Variants in DOCK4 observed in about 807,000 individuals in gnomAD.
DOCK4 encodes the protein dedicator of cytokinesis 4, also known as dedicator of cytokinesis protein 4.
A neutral mutation model predicts 268.1 loss-of-function variants in DOCK4; 97 were observed. That is an observed-to-expected ratio of 0.36 (90% confidence interval 0.31 to 0.43). The LOEUF is 0.43. Among genes scored for constraint, DOCK4 ranks in the 20% least tolerant of loss-of-function variants. DOCK4 has a pLI of 1.00. For missense variants in DOCK4, 2,145 were observed against 2,455.7 expected (o/e 0.87, Z 2.67); for synonymous variants, 954 against 887.2 (o/e 1.08, Z -1.34).
At chr7:111,851,771 GATC>G (rs981277238) in intron 23 of DOCK4, among the ~76,000 whole-genome samples, 2 of 152,014 alleles carry the variant, frequency 1.3e-5, no homozygotes, top group Non-Finnish European at 2.9e-5. Context: ...TTGTTTTACG[GATC>G]ATATTAGCTA....
intron 37 of DOCK4, 94 bp downstream of exon 37, chr7:111,769,435 A>G: frequency 6.8e-7 from 1 of 1,472,308 alleles, no homozygotes; most frequent in Non-Finnish European, 9.3e-7. Flanking sequence ...ATCCCTGCTT[A>G]AGGAGGTGGG....
rs149695522 is a variant in DOCK4 at position 111,826,832 on chromosome 7, G to A, written c.2836-4376C>T. Among the ~76,000 whole-genome samples, 23 of 152,056 alleles carry A rather than the reference G, an allele frequency of 1.5e-4. No homozygotes were observed. In the East Asian group the frequency reaches 1.9e-3, roughly 13 times the overall value. ...ACTGGGGCCCAAACCTCAGCATCAC[G>A]CAATATATTCATTAACAAACCTGCA... On this transcript the variant is annotated intron_variant, in intron 26 of 52. Coordinates refer to ENST00000428084, the MANE Select transcript of DOCK4 (RefSeq NM_001363540.2).
intron 38 of DOCK4, among the ~76,000 whole-genome samples, chr7:111,766,183 T>C (rs1340484272): frequency 1.3e-5 from 2 of 152,250 alleles, no homozygotes; most frequent in Non-Finnish European, 2.9e-5. Context: ...GAAGTATCGA[T>C]GAACTGCTGA....
In DOCK4 at chr7:111,877,020, T is replaced by C. The variant is rs745514249; in HGVS notation, c.1744+10A>G. 4 of 1,507,852 alleles carry C rather than the reference T, an allele frequency of 2.7e-6. No homozygotes were observed. The highest frequency in any genetic ancestry group is 2.7e-5 in the South Asian group (2 of 74,058). 93.4% of individuals were successfully genotyped at this position (1,507,852 alleles called of 1,614,324 possible). On this transcript the variant is annotated intron_variant, in intron 17 of 52. Transcript: ENST00000428084. ...GTACTAGGGCTTTCAAATAAAACAT[T>C]ATACATTACCATTTTGTGTGAGTTT... is the stretch of plus-strand genomic sequence containing the variant.
At position 111,732,220 on chromosome 7, in the gene DOCK4, C is replaced by T; in HGVS notation, c.5481+6G>A. On this transcript the variant is annotated splice_donor_region_variant and intron_variant, in intron 52 of 52. Transcript: ENST00000428084. ...CTCTAGCCTCAGTCGAAAGAAGGGCCTTTACCTTCAATGGAGATCGCCCGG... is the reference window on the plus strand; with the variant it reads ...CTCTAGCCTCAGTCGAAAGAAGGGCTTTTACCTTCAATGGAGATCGCCCGG... 1 of 1,613,868 alleles carries T rather than the reference C, an allele frequency of 6.2e-7. No homozygotes were observed. The highest frequency in any genetic ancestry group is 1.3e-5 in the African/African-American group (1 of 75,046).
chr7:112,136,934 GGA>G (rs1814410047), intron 1 of DOCK4, among the ~76,000 whole-genome samples: 1 of 152,080 alleles, frequency 6.6e-6, no homozygotes. Flanking sequence ...ATGGAATTTG[GGA>G]GAGAGGCAAA....
Position 111,742,047 on chromosome 7 carries a change from TG to T in DOCK4, c.4762del (p.Gln1588AsnfsTer4). ...TAAGCTCGACTTCATCACAAAGAAT[TG>T]GTCAACCAGCTTTTTGTGAAGGGGT... ...MRPLHKKLVD[Q>X]FFVMKSSLGI... On this transcript the variant is annotated frameshift_variant, in exon 45 of 53. Transcript: ENST00000428084. LOFTEE classifies it high-confidence loss of function. The T allele has an allele frequency of 6.2e-7, 1 of 1,607,696 alleles. No homozygotes were observed. Among genetic ancestry groups the T allele is most frequent in the Non-Finnish European group, 8.5e-7 (1 of 1,177,258 alleles).
intron 6 of DOCK4, among the ~76,000 whole-genome samples, chr7:111,988,553 A>C (rs1421192280): frequency 6.6e-6 from 1 of 152,204 alleles, no homozygotes; most frequent in Non-Finnish European, 1.5e-5. Context: ...GCAATAATAA[A>C]AGGCCCCACC....
chr7:111,770,058 C>A (rs569214876), intron 36 of DOCK4, among the ~76,000 whole-genome samples: 6 of 151,944 alleles, frequency 3.9e-5, no homozygotes, highest in African/African-American at 1.4e-4. Context: ...TAGTAAGTTC[C>A]TTGGGGACTA....
intron 1 of DOCK4, among the ~76,000 whole-genome samples, chr7:112,145,053 A>G (rs939114625): frequency 6.6e-6 from 1 of 152,138 alleles, no homozygotes; most frequent in African/African-American, 2.4e-5. Context: ...TGATGAAACG[A>G]TATCTATTAA....
chr7:111,765,632 A>G (rs1413880950), intron 38 of DOCK4, among the ~76,000 whole-genome samples: 1 of 152,248 alleles, frequency 6.6e-6, no homozygotes, highest in Non-Finnish European at 1.5e-5. Flanking sequence ...AAACTTTTCT[A>G]GAGAATTCTT....
intron 1 of DOCK4, among the ~76,000 whole-genome samples, chr7:112,133,669 G>A (rs767826535): frequency 1.3e-5 from 2 of 152,096 alleles, no homozygotes; most frequent in African/African-American, 4.8e-5. Context: ...ACAGTGAGCC[G>A]AGATGGCACC....
At chr7:111,867,709 T>C (rs957610297) in intron 22 of DOCK4, among the ~76,000 whole-genome samples, 3 of 152,128 alleles carry the variant, frequency 2.0e-5, no homozygotes, top group Non-Finnish European at 4.4e-5. Flanking sequence ...GCATGTCCAG[T>C]CGTCAGTATG....
chr7:111,833,562 T>C (rs1346653854), intron 26 of DOCK4, among the ~76,000 whole-genome samples: 2 of 151,312 alleles, frequency 1.3e-5, no homozygotes, highest in Non-Finnish European at 3.0e-5. Context: ...AGAAAAAAGA[T>C]TCAATGTAAG....
In DOCK4 at chr7:111,758,744, G is replaced by C; in HGVS notation, c.4209C>G (p.Val1403=). 3 of 1,613,914 alleles carry C rather than the reference G, an allele frequency of 1.9e-6. No individual in the cohort carries two copies. The highest frequency in any genetic ancestry group is 2.5e-6 in the Non-Finnish European group (3 of 1,179,882). ...TGTCCGGAACACCCTCTCTCTGCAG[G>C]ACCTCCTGGCTCTCTGGAATGGGAG... ...AVTPIPESQE[V]LQREGVPDNI... The change falls in exon 41 of 53, where the codon GTC becomes GTG. Residue 1403 remains valine, a synonymous_variant. Transcript: ENST00000428084.
chr7:111,849,420 G>T (rs563941748), intron 23 of DOCK4, among the ~76,000 whole-genome samples: 1 of 151,892 alleles, frequency 6.6e-6, no homozygotes, highest in Non-Finnish European at 1.5e-5. Flanking sequence ...GTGCCATCAC[G>T]CCCAGCTAGT....
intron 23 of DOCK4, among the ~76,000 whole-genome samples, chr7:111,858,585 C>T (rs1158694358): frequency 2.6e-5 from 4 of 152,212 alleles, no homozygotes; most frequent in Non-Finnish European, 5.9e-5. Context: ...ATGGTCTTCT[C>T]TTGCATTTGG....
intron 8 of DOCK4, 156 bp downstream of exon 8, chr7:111,976,976 A>C (rs1798253239): frequency 1.3e-6 from 1 of 794,188 alleles, no homozygotes; most frequent in African/African-American, 1.7e-5. Flanking sequence ...AAACATCCAA[A>C]GAACAGGCAG....
Position 111,895,634 on chromosome 7 carries a change from G to C in DOCK4, c.1565C>G (p.Thr522Ser). ...QEDGRTLPDG[T>S]HELIVHKCEE... ...TACCTTATGCACGATGAGCTCATGA[G>C]TGCCATCTGGAAGAGTCCTACCATC... is the stretch of plus-strand genomic sequence containing the variant. The change falls in exon 16 of 53, where the codon ACT becomes AGT. Residue 522 changes from threonine (T) to serine (S), a missense_variant. Thr to Ser is a moderately conservative substitution (Grantham distance 58). Around this residue, in one of 2 missense-constraint regions of DOCK4, gnomAD observed 1,598 missense variants for 1,986.7 expected, o/e 0.80. Coordinates refer to ENST00000428084, the MANE Select transcript of DOCK4 (RefSeq NM_001363540.2). The C allele has an allele frequency of 6.2e-7, 1 of 1,613,880 alleles. No individual in the cohort carries two copies. The highest frequency in any genetic ancestry group is 1.7e-5 in the Admixed American group (1 of 60,018).
Sources: gnomAD v4.1 joint callset for allele counts (sites outside exome capture counted in the v4.1 genomes callset) on GRCh38, gnomAD v4.1.1 for gene constraint, gnomAD v4.1.1 regional missense constraint, MANE v1.5 for transcripts, NCBI Gene and HGNC (gene_info 2026-07-23, HGNC 2026-07-21) for gene names.